SLC4A5: variants seen among roughly 807,000 people sequenced by gnomAD.
The protein encoded by SLC4A5 is electrogenic sodium bicarbonate cotransporter 4.
Under a neutral mutation model 120.4 loss-of-function variants are expected in SLC4A5, and 96 were observed. The observed-to-expected ratio is 0.80, with a 90% confidence interval of 0.68 to 0.94. The LOEUF (loss-of-function observed/expected upper bound fraction) is 0.94, where lower values mean the gene tolerates loss of function less well. Among genes scored for constraint, SLC4A5 ranks in the 40% least tolerant of loss-of-function variants. The pLI is 0.00. For synonymous variants in SLC4A5, 550 were observed against 571.1 expected (o/e 0.96, Z 0.53); for missense variants, 1,259 against 1,459.5 (o/e 0.86, Z 2.24).
chr2:74,335,190 G>C (rs1228818170), intron 3 of SLC4A5, among the ~76,000 whole-genome samples: 1 of 152,136 alleles, frequency 6.6e-6, no homozygotes, highest in Non-Finnish European at 1.5e-5. Flanking sequence ...AAAGTCATGT[G>C]ATCTCCTGCT....
intron 5 of SLC4A5, 98 bp downstream of exon 5, chr2:74,328,022 C>G (rs1256113226): frequency 1.7e-6 from 1 of 574,914 alleles, no homozygotes; most frequent in Non-Finnish European, 2.2e-6. Context: ...GTGTGTGAAG[C>G]TTACTCTTAA....
At position 74,285,479 on chromosome 2, in the gene SLC4A5, A is replaced by G. The variant is rs971953332; in HGVS notation, c.401+294T>C. On this transcript the variant is annotated intron_variant, in intron 8 of 30. Transcript: ENST00000394019. ...TTTGCCATCAGCAGGCGGTCCTGGA[A>G]CCAGTGCCCTATGGATATGGAGGGA... 9.2e-5 allele frequency among the ~76,000 whole-genome samples: 14 copies of G among 152,210 alleles called. 1 individual carries two copies. The highest frequency in any genetic ancestry group is 9.2e-4 in the Admixed American group (14 of 15,278).
intron 5 of SLC4A5, among the ~76,000 whole-genome samples, chr2:74,323,683 C>G (rs1305412398): frequency 6.6e-6 from 1 of 152,010 alleles, no homozygotes; most frequent in Non-Finnish European, 1.5e-5. Flanking sequence ...ATGAGAAATA[C>G]CAGGGAAAAA....
intron 25 of SLC4A5, among the ~76,000 whole-genome samples, chr2:74,230,663 T>A (rs1030784840): frequency 6.6e-6 from 1 of 152,064 alleles, no homozygotes; most frequent in Non-Finnish European, 1.5e-5. Context: ...GGGAAGAGTA[T>A]CCTCCAGAAA....
chr2:74,246,471 C>T (rs1259784810), intron 19 of SLC4A5, among the ~76,000 whole-genome samples: 2 of 152,202 alleles, frequency 1.3e-5, no homozygotes, highest in Non-Finnish European at 2.9e-5. Context: ...GACAGTCCTT[C>T]TCTCATAACT....
Position 74,255,720 on chromosome 2 carries a change from C to T in SLC4A5, c.1025+55G>A, listed in dbSNP as rs1670942302. The T allele has an allele frequency of 6.2e-7, 1 of 1,601,386 alleles. No individual in the cohort carries two copies. The highest frequency in any genetic ancestry group is 8.5e-7 in the Non-Finnish European group (1 of 1,170,686). On this transcript the variant is annotated intron_variant, in intron 13 of 30. Transcript: ENST00000394019. The surrounding 1 kb of genome is among the most constrained non-coding windows in gnomAD (Gnocchi z 4.0). Reference sequence around the variant, plus strand: ...AGTCAACAGCACTGCTTGCTGACTGCACTGCTGACTGGCTACCTGAGAGTG... The same window carrying T: ...AGTCAACAGCACTGCTTGCTGACTGTACTGCTGACTGGCTACCTGAGAGTG...
intron 7 of SLC4A5, among the ~76,000 whole-genome samples, chr2:74,296,007 T>C (rs1253668440): frequency 6.6e-6 from 1 of 152,244 alleles, no homozygotes; most frequent in Non-Finnish European, 1.5e-5. Context: ...CGAATAAGGT[T>C]ATAAAAACTT....
chr2:74,216,817 C>T (rs1558860219), exon 31 of SLC4A5: 1 of 152,198 alleles, frequency 6.6e-6, no homozygotes, highest in Non-Finnish European at 1.5e-5. Flanking sequence ...CTATGTTGCC[C>T]AGGCTGGTCT....
At chr2:74,307,894 CA>C in intron 6 of SLC4A5, 2 of 486,056 alleles carry the variant, frequency 4.1e-6, no homozygotes, top group South Asian at 3.4e-5. Flanking sequence ...GAGCCCCCGG[CA>C]CCTGCATAGA....
chr2:74,235,064 G>A lies in SLC4A5; in HGVS notation c.2433+37C>T, dbSNP rs144069830. On this transcript the variant is annotated intron_variant, in intron 22 of 30. Coordinates refer to ENST00000394019, the Ensembl canonical transcript of SLC4A5. ...GAAAGAATCTGCAGCTGGTAGGCAG[G>A]CAGACTGGATGCCCAGAGCGAGGGA... The A allele has an allele frequency of 1.8e-4, 270 of 1,507,522 alleles. 1 individual carries two copies. The African/African-American group carries it at 3.4e-3, about 19-fold the overall frequency. The allele number at this position is 1,507,522 out of a possible 1,614,324, so 93.4% of individuals were successfully genotyped here.
chr2:74,304,569 T>C, exon 7 of SLC4A5: 1 of 1,613,966 alleles, frequency 6.2e-7, no homozygotes, highest in Non-Finnish European at 8.5e-7. Flanking sequence ...CTGTGGCTGG[T>C]CTGGCCGCAG....
rs190986233 is a variant in SLC4A5, at chr2:74,225,595, C to A, written c.3091-600G>T. Among the ~76,000 whole-genome samples, 15 of 152,266 alleles carry A rather than the reference C, an allele frequency of 9.9e-5. No homozygotes were observed. The East Asian group carries it at 2.7e-3, about 27-fold the overall frequency. ...TGGGCGACAGAGCAAGACTCCATCT[C>A]AAACAAATAAAATAAATACATAAAT... On this transcript the variant is annotated intron_variant, in intron 27 of 30. Transcript: ENST00000394019.
At position 74,274,586 on chromosome 2, in the gene SLC4A5, G is replaced by A. The variant is rs191759594; in HGVS notation, c.402-9322C>T. Among the ~76,000 whole-genome samples, 72 of 152,348 alleles carry A rather than the reference G, an allele frequency of 4.7e-4. No homozygotes were observed. In the East Asian group the frequency reaches 0.013, roughly 27 times the overall value. ...AGAAGCTACCAGAAGGGGCTGATGA[G>A]CACCAGAAAGGCCTCACAGGCCTCT... is the stretch of plus-strand genomic sequence containing the variant. On this transcript the variant is annotated intron_variant, in intron 8 of 30. Transcript: ENST00000394019.
chr2:74,294,365 G>A (rs932502962), intron 7 of SLC4A5, among the ~76,000 whole-genome samples: 3 of 152,144 alleles, frequency 2.0e-5, no homozygotes, highest in African/African-American at 7.2e-5. Flanking sequence ...AGAATCAGAC[G>A]TTTCTGGAAA....
chr2:74,326,146 TAAA>T (rs1215772044), intron 5 of SLC4A5, among the ~76,000 whole-genome samples: 1 of 152,088 alleles, frequency 6.6e-6, no homozygotes, highest in African/African-American at 2.4e-5. Context: ...TTTAAAAAAA[TAAA>T]AAAATTTTAA....
intron 9 of SLC4A5, 102 bp from the exon 10 acceptor site, chr2:74,264,401 A>AG (rs1671236080): frequency 7.2e-7 from 1 of 1,379,536 alleles, no homozygotes; most frequent in African/African-American, 1.5e-5. Context: ...AATGTGGCAG[A>AG]GGGGGTGTGG....
chr2:74,254,799 T>C (rs1411935617), intron 13 of SLC4A5, 93 bp from the exon 14 acceptor site: 1 of 871,482 alleles, frequency 1.1e-6, no homozygotes, highest in Non-Finnish European at 1.9e-6. Context: ...GAGAATTCTC[T>C]GGCCCTGAAC....
exon 7 of SLC4A5, chr2:74,304,576 G>T: frequency 6.2e-7 from 1 of 1,614,146 alleles, no homozygotes; most frequent in South Asian, 1.1e-5. Context: ...TGGTCTGGCC[G>T]CAGGCCCCAG....
intron 3 of SLC4A5, among the ~76,000 whole-genome samples, chr2:74,336,675 C>T (rs1195689227): frequency 6.6e-6 from 1 of 152,120 alleles, no homozygotes; most frequent in East Asian, 1.9e-4. Context: ...TAACTGGCTG[C>T]CCTGGCCTGG....
Sources: allele counts gnomAD v4.1 joint callset (sites outside exome capture counted in the v4.1 genomes callset), GRCh38; gene constraint gnomAD v4.1.1; non-coding constraint Gnocchi (gnomAD v3.1); transcripts MANE v1.5; gene names NCBI Gene and HGNC (gene_info 2026-07-23, HGNC 2026-07-21).